Variants in FNDC3B observed in about 807,000 individuals in gnomAD.
FNDC3B encodes fibronectin type III domain-containing protein 3B.
In FNDC3B, 12 loss-of-function variants were observed where a neutral mutation model predicts 151.5. The ratio of observed to expected loss-of-function variants is 0.08; its 90% CI spans 0.05 to 0.13. The LOEUF is 0.13. FNDC3B is among the 10% of genes least tolerant of loss of function. FNDC3B has a pLI of 1.00. For missense variants in FNDC3B, 1,214 were observed against 1,505.3 expected, an observed-to-expected ratio of 0.81 and a Z score of 3.20; for synonymous variants, 528 against 549.0, an observed-to-expected ratio of 0.96 and a Z score of 0.54.
Position 172,295,489 on chromosome 3 carries a change from G to A in FNDC3B, c.976G>A (p.Asp326Asn). ...GGTGGCCTTATCAGACAAAGGACGA[G>A]ATGGAAAATACAAGATAATTTACAG... ...YEVALSDKGR[D>N]GKYKIIYSGE... The change falls in exon 8 of 26, where the codon GAT becomes AAT. Residue 326 changes from aspartate (D) to asparagine (N), a missense_variant. Asp to Asn is a conservative substitution (Grantham distance 23). Around this residue, in one of 7 missense-constraint regions of FNDC3B, gnomAD observed 156 missense variants for 225.3 expected, o/e 0.69. Coordinates refer to ENST00000415807, the MANE Select transcript of FNDC3B (RefSeq NM_022763.4). 1 of 1,613,922 alleles carries A rather than the reference G, an allele frequency of 6.2e-7. No individual in the cohort carries two copies. The highest frequency in any genetic ancestry group is 8.5e-7 in the Non-Finnish European group (1 of 1,179,878).
rs180947785 is a variant in FNDC3B, at chr3:172,216,032, C to T, written c.188-10839C>T. The stretch of plus-strand genomic sequence containing the variant: ...CTGAAATGCTAATAGATCCTCTTCA[C>T]GCTGTGTGAGAAAGTCCGAGGGCGT... On this transcript the variant is annotated intron_variant, in intron 3 of 25. Coordinates refer to ENST00000415807, the MANE Select transcript of FNDC3B (RefSeq NM_022763.4). Among the ~76,000 whole-genome samples, 19 of 152,244 alleles carry T rather than the reference C, an allele frequency of 1.2e-4. No homozygotes were observed. In the South Asian group the frequency reaches 1.5e-3, roughly 12 times the overall value.
At chr3:172,169,627 G>A (rs377410399) in intron 3 of FNDC3B, among the ~76,000 whole-genome samples, 2 of 152,172 alleles carry the variant, frequency 1.3e-5, no homozygotes, top group African/African-American at 4.8e-5. Context: ...CCTTCTTACA[G>A]GGAATGACTT....
chr3:172,344,138 G>A lies in FNDC3B; in HGVS notation c.2130G>A (p.Met710Ile), dbSNP rs1018787627. 2 of 1,614,182 alleles carry A rather than the reference G, an allele frequency of 1.2e-6. No individual in the cohort carries two copies. Among genetic ancestry groups the A allele is most frequent in the Admixed American group, 3.3e-5 (2 of 60,020 alleles). Residue 710 changes from methionine (M) to isoleucine (I), a missense_variant, in exon 19 of 26, where the codon ATG becomes ATA. Transcript: ENST00000415807. ...AGGTCTCAGAGTACAGCGTGGAGAT[G>A]ACGGAGCCCGAAGACGTAGCCTCGG... ...GCEVSEYSVE[M>I]TEPEDVASEV...
At chr3:172,208,080 T>C (rs1379407791) in intron 3 of FNDC3B, among the ~76,000 whole-genome samples, 1 of 150,092 alleles carries the variant, frequency 6.7e-6, no homozygotes, top group Non-Finnish European at 1.5e-5. Flanking sequence ...AATTTCATTC[T>C]ATAAAGTCCA....
intron 3 of FNDC3B, among the ~76,000 whole-genome samples, chr3:172,185,056 G>A (rs927627644): frequency 9.2e-5 from 14 of 152,126 alleles, no homozygotes; most frequent in Admixed American, 5.2e-4. Context: ...TTTCAAGAGG[G>A]TAGATGAAAG....
chr3:172,247,382 C>A, intron 4 of FNDC3B, 151 bp from the exon 5 acceptor site: 1 of 760,398 alleles, frequency 1.3e-6, no homozygotes, highest in Non-Finnish European at 2.1e-6. Context: ...ACTCATTTGA[C>A]TGGTTGAACT....
intron 23 of FNDC3B, among the ~76,000 whole-genome samples, chr3:172,375,627 C>G (rs1212658449): frequency 6.6e-6 from 1 of 152,170 alleles, no homozygotes; most frequent in Non-Finnish European, 1.5e-5. Context: ...TCTTCCCATG[C>G]CCTTTTTTGG....
At chr3:172,273,302 C>A (rs1385854080) in intron 6 of FNDC3B, among the ~76,000 whole-genome samples, 2 of 152,190 alleles carry the variant, frequency 1.3e-5, no homozygotes, top group Non-Finnish European at 2.9e-5. Context: ...TAAAGAAATG[C>A]TTGATTCCAT....
chr3:172,324,930 C>T (rs1243712748), intron 11 of FNDC3B, among the ~76,000 whole-genome samples: 2 of 152,364 alleles, frequency 1.3e-5, no homozygotes, highest in Admixed American at 6.5e-5. Context: ...GACCCACCAA[C>T]GCGCAGAGAA....
chr3:172,307,348 C>T lies in FNDC3B; in HGVS notation c.1062-15C>T. 2 of 1,613,944 alleles carry T rather than the reference C, an allele frequency of 1.2e-6. No homozygotes were observed. The highest frequency in any genetic ancestry group is 1.7e-6 in the Non-Finnish European group (2 of 1,179,854). On this transcript the variant is annotated splice_polypyrimidine_tract_variant and intron_variant, in intron 9 of 25. Coordinates refer to ENST00000415807, the MANE Select transcript of FNDC3B (RefSeq NM_022763.4). ...GATGAGTCACTGCCACTGACTGTGT[C>T]TGTTTTGTTTTCAGGGTGTATGCCA...
intron 25 of FNDC3B, among the ~76,000 whole-genome samples, chr3:172,396,847 C>T (rs1472303954): frequency 6.6e-6 from 1 of 152,168 alleles, no homozygotes; most frequent in African/African-American, 2.4e-5. Context: ...GGTTGGGGAC[C>T]GCTGACCTAA....
chr3:172,128,497 G>C (rs556939695), intron 2 of FNDC3B, among the ~76,000 whole-genome samples: 172 of 152,060 alleles, frequency 1.1e-3, no homozygotes, highest in Non-Finnish European at 2.2e-3. Flanking sequence ...TCTCAAAGGT[G>C]TGTGTGGATG....
intron 11 of FNDC3B, among the ~76,000 whole-genome samples, chr3:172,311,977 A>G (rs1021693782): frequency 1.6e-4 from 24 of 152,314 alleles, no homozygotes; most frequent in Non-Finnish European, 3.4e-4. Context: ...TGGTTGAGAA[A>G]TTGGCTAAGG....
At chr3:172,264,070 T>G (rs1021782126) in intron 6 of FNDC3B, among the ~76,000 whole-genome samples, 1 of 152,184 alleles carries the variant, frequency 6.6e-6, no homozygotes, top group Admixed American at 6.5e-5. Context: ...CACTGCAGCC[T>G]CAACCTCCTT....
intron 6 of FNDC3B, among the ~76,000 whole-genome samples, chr3:172,256,211 C>G (rs1349739055): frequency 6.6e-6 from 1 of 152,172 alleles, no homozygotes. Flanking sequence ...CCTTTTTTGG[C>G]CTGTCCTTCC....
intron 3 of FNDC3B, among the ~76,000 whole-genome samples, chr3:172,172,927 C>G (rs546447116): frequency 6.6e-6 from 1 of 152,274 alleles, no homozygotes; most frequent in Non-Finnish European, 1.5e-5. Context: ...CTGAGGATTT[C>G]AGTTTTACTA....
At chr3:172,234,444 G>A (rs570627600) in intron 4 of FNDC3B, among the ~76,000 whole-genome samples, 20 of 152,262 alleles carry the variant, frequency 1.3e-4, no homozygotes, top group South Asian at 4.2e-4. Flanking sequence ...GGAGGGAAGC[G>A]GAGAGAGGAA....
At chr3:172,141,749 C>T (rs554613498) in intron 3 of FNDC3B, among the ~76,000 whole-genome samples, 5 of 152,138 alleles carry the variant, frequency 3.3e-5, no homozygotes, top group African/African-American at 1.2e-4. Flanking sequence ...ACTCAGGAGG[C>T]TTGAGACAGG....
chr3:172,192,900 T>A (rs903321107), intron 3 of FNDC3B, among the ~76,000 whole-genome samples: 2 of 152,016 alleles, frequency 1.3e-5, no homozygotes, highest in African/African-American at 2.4e-5. Flanking sequence ...ACCAACCAGT[T>A]TGAGTTTTTG....
Sources: gnomAD v4.1 joint callset for allele counts (sites outside exome capture counted in the v4.1 genomes callset) on GRCh38, gnomAD v4.1.1 for gene constraint, gnomAD v4.1.1 regional missense constraint, MANE v1.5 for transcripts, NCBI Gene and HGNC (gene_info 2026-07-23, HGNC 2026-07-21) for gene names.